ABTB2: variants seen among roughly 807,000 people sequenced by gnomAD.
ABTB2 encodes ankyrin repeat and BTB domain containing 2.
Under a neutral mutation model 104.1 loss-of-function variants are expected in ABTB2, and 56 were observed. That is an observed-to-expected ratio of 0.54 (90% CI 0.43 to 0.67). The LOEUF is 0.67. Among genes scored for constraint, ABTB2 ranks in the 30% least tolerant of loss-of-function variants. The probability of loss-of-function intolerance (pLI) is 0.00; values close to 1 mark genes in which losing one functional copy is unlikely to be tolerated. For missense variants in ABTB2, 1,279 were observed against 1,407.7 expected (o/e 0.91, Z 1.46); for synonymous variants, 606 against 608.2 (o/e 1.00, Z 0.05).
chr11:34,198,142 T>C (rs1404036640), intron 2 of ABTB2, among the ~76,000 whole-genome samples: 2 of 152,180 alleles, frequency 1.3e-5, no homozygotes, highest in Admixed American at 1.3e-4. Flanking sequence ...TTGAGGCTTA[T>C]GGCTGGGCAC....
At chr11:34,298,100 T>A (rs12276867) in intron 1 of ABTB2, among the ~76,000 whole-genome samples, 14,366 of 148,456 alleles carry the variant, frequency 0.097, 2,128 homozygotes, top group African/African-American at 0.32. Flanking sequence ...TTTTTTTTTT[T>A]AAATAAATTA....
Position 34,259,897 on chromosome 11 carries a change from T to G in ABTB2, c.884-55207A>C, listed in dbSNP as rs181364424. Among the ~76,000 whole-genome samples, 285 of 152,242 alleles carry G rather than the reference T, an allele frequency of 1.9e-3. 2 individuals carry two copies. Among genetic ancestry groups the G allele is most frequent in the Middle Eastern group, 6.8e-3 (2 of 294 alleles). The stretch of plus-strand genomic sequence containing the variant: ...ACAGCTCATTGCAGCCTCGACCTCC[T>G]GGGCTCCAGCAATCCTCCTACCTTA... On this transcript the variant is annotated intron_variant, in intron 1 of 16. Transcript: ENST00000435224.
chr11:34,238,368 A>G (rs1853871587), intron 1 of ABTB2, among the ~76,000 whole-genome samples: 1 of 152,220 alleles, frequency 6.6e-6, no homozygotes, highest in Non-Finnish European at 1.5e-5. Flanking sequence ...CATCAAATAT[A>G]TGATTCATTC....
intron 3 of ABTB2, among the ~76,000 whole-genome samples, chr11:34,190,811 T>A (rs115445631): frequency 1.4e-3 from 206 of 152,294 alleles, no homozygotes; most frequent in African/African-American, 4.8e-3. Flanking sequence ...TCATGCTACC[T>A]CAATAAAGAG....
chr11:34,217,917 T>C (rs1297135876), intron 1 of ABTB2, among the ~76,000 whole-genome samples: 1 of 152,264 alleles, frequency 6.6e-6, no homozygotes, highest in Non-Finnish European at 1.5e-5. Context: ...TGAGAGTTCC[T>C]GTTGTTCCAC....
intron 3 of ABTB2, among the ~76,000 whole-genome samples, chr11:34,181,957 C>G (rs1853033402): frequency 6.6e-6 from 1 of 152,244 alleles, no homozygotes. Context: ...TGGACTCACC[C>G]TTTCTCATGG....
chr11:34,174,023 G>C (rs537055941), intron 3 of ABTB2, among the ~76,000 whole-genome samples: 1 of 152,290 alleles, frequency 6.6e-6, no homozygotes, highest in East Asian at 1.9e-4. Context: ...GTTGCCCCCA[G>C]TTTGGTGCTC....
chr11:34,201,550 C>A (rs1346160123), intron 2 of ABTB2, among the ~76,000 whole-genome samples: 1 of 152,198 alleles, frequency 6.6e-6, no homozygotes, highest in Non-Finnish European at 1.5e-5. Context: ...TGAAACTTCT[C>A]ACCCTATCTG....
intron 1 of ABTB2, among the ~76,000 whole-genome samples, chr11:34,294,159 T>C (rs1298483685): frequency 2.0e-5 from 3 of 152,058 alleles, no homozygotes; most frequent in Non-Finnish European, 4.4e-5. Context: ...TGGCAAAACC[T>C]CATCTCTACA....
chr11:34,276,538 C>T (rs1854383766), intron 1 of ABTB2, among the ~76,000 whole-genome samples: 2 of 152,210 alleles, frequency 1.3e-5, no homozygotes, highest in African/African-American at 4.8e-5. Context: ...GCCTGGCTCT[C>T]CCCCATCCGG....
At chr11:34,274,555 G>A (rs1251103441) in intron 1 of ABTB2, among the ~76,000 whole-genome samples, 1 of 85,692 alleles carries the variant, frequency 1.2e-5, no homozygotes, top group Non-Finnish European at 2.3e-5. Context: ...TAGTGGATTG[G>A]AATATACACA....
At chr11:34,338,674 GC>G (rs1369127286) in intron 1 of ABTB2, among the ~76,000 whole-genome samples, 1 of 152,158 alleles carries the variant, frequency 6.6e-6, no homozygotes, top group African/African-American at 2.4e-5. Flanking sequence ...CTATACTCCA[GC>G]CTGGATGACA....
chr11:34,268,355 C>A (rs1854274187), intron 1 of ABTB2, among the ~76,000 whole-genome samples: 1 of 152,164 alleles, frequency 6.6e-6, no homozygotes, highest in Non-Finnish European at 1.5e-5. Flanking sequence ...GCAGAAGATG[C>A]CATCAGTCTG....
intron 1 of ABTB2, among the ~76,000 whole-genome samples, chr11:34,295,507 A>G (rs1340938813): frequency 6.6e-6 from 1 of 152,350 alleles, no homozygotes; most frequent in East Asian, 1.9e-4. Context: ...AAGGGATGGC[A>G]GGCTTTTAAG....
intron 1 of ABTB2, among the ~76,000 whole-genome samples, chr11:34,320,391 TACTC>T (rs1365588712): frequency 6.6e-6 from 1 of 152,208 alleles, no homozygotes; most frequent in East Asian, 1.9e-4. Flanking sequence ...CCTAAAAATG[TACTC>T]AGTGGCCGAA....
intron 1 of ABTB2, among the ~76,000 whole-genome samples, chr11:34,232,979 C>T (rs1853791270): frequency 6.6e-6 from 1 of 151,472 alleles, no homozygotes; most frequent in Non-Finnish European, 1.5e-5. Context: ...CCTAACCTCC[C>T]CCCAAAACCC....
rs79297465 is a variant in ABTB2 at position 34,309,093 on chromosome 11, G to A, written c.883+47608C>T. Among the ~76,000 whole-genome samples the A allele has an allele frequency of 3.6e-3, 551 of 152,294 alleles. 2 individuals are homozygous for A. Among genetic ancestry groups the A allele is most frequent in the African/African-American group, 0.011 (475 of 41,574 alleles). On this transcript the variant is annotated intron_variant, in intron 1 of 16. Coordinates refer to ENST00000435224, the MANE Select transcript of ABTB2 (RefSeq NM_145804.3). ...AGATTTACTACGAAGCCAAAGAAGC[G>A]TAAACTTCAGGCAGCCTCTACTTAT...
At chr11:34,240,238 A>C (rs1853896034) in intron 1 of ABTB2, among the ~76,000 whole-genome samples, 2 of 152,132 alleles carry the variant, frequency 1.3e-5, no homozygotes, top group African/African-American at 2.4e-5. Flanking sequence ...CCTCCTTCCC[A>C]CAGTCACCGA....
rs746328176 is a variant in ABTB2, at chr11:34,173,291, G to A, written c.1261C>T (p.Pro421Ser). The A allele has an allele frequency of 6.3e-7, 1 of 1,599,080 alleles. No homozygotes were observed. Among genetic ancestry groups the A allele is most frequent in the East Asian group, 2.3e-5 (1 of 44,276 alleles). Residue 421 changes from proline to serine, a missense_variant, in exon 4 of 17, where the codon CCG becomes TCG. Pro to Ser is a moderately conservative substitution (Grantham distance 74). Coordinates refer to ENST00000435224, the MANE Select transcript of ABTB2 (RefSeq NM_145804.3). ...ACGCGCATCCACTCCATGAGGGGCGGCAGCAGCATGAAGGGCCTGTGGGGC... is the reference window on the plus strand; with the variant it reads ...ACGCGCATCCACTCCATGAGGGGCGACAGCAGCATGAAGGGCCTGTGGGGC... ...LNNERPFMLL[P>S]PLMEWMRVAI...
Sources: allele counts gnomAD v4.1 joint callset (sites outside exome capture counted in the v4.1 genomes callset), GRCh38; gene constraint gnomAD v4.1.1; transcripts MANE v1.5; gene names NCBI Gene and HGNC (gene_info 2026-07-23, HGNC 2026-07-21).